Variants in LHX2 observed in about 807,000 individuals in gnomAD.
LHX2 encodes the protein LIM homeobox 2, also known as LIM/homeobox protein Lhx2.
A neutral mutation model predicts 33.0 loss-of-function variants in LHX2; 6 were observed. The ratio of observed to expected loss-of-function variants is 0.18; its 90% CI spans 0.10 to 0.36. The LOEUF is 0.36. Ranked by LOEUF, LHX2 falls within the 10% of genes least tolerant of loss-of-function variation. The pLI is 1.00. For synonymous variants in LHX2, 292 were observed against 253.1 expected (o/e 1.15, Z -1.46); for missense variants, 442 against 586.2 (o/e 0.75, Z 2.54).
rs375687666 is a variant in LHX2 at position 124,015,305 on chromosome 9, C to T, written c.507C>T (p.Phe169=). 5.0e-6 allele frequency: 8 copies of T among 1,614,030 alleles called. No individual in the cohort carries two copies. The South Asian group carries it at 6.6e-5, about 13-fold the overall frequency. The stretch of plus-strand genomic sequence containing the variant: ...GCCTGGTCTACTGCCGCTTGCACTT[C>T]GAGGCGCTGCTGCAGGGCGAGTACC... ...KDSLVYCRLH[F]EALLQGEYPA... Residue 169 remains phenylalanine (F), a synonymous_variant, in exon 3 of 5, where the codon TTC becomes TTT. Transcript: ENST00000373615. This position sits in a 1 kb window ranked among gnomAD's most constrained non-coding sequence, Gnocchi z 7.9.
At chr9:124,030,806 T>C (rs1353435395) in intron 4 of LHX2, among the ~76,000 whole-genome samples, 1 of 151,820 alleles carries the variant, frequency 6.6e-6, no homozygotes. Context: ...TAATTTTTTA[T>C]ATTTTTAGTA....
At position 124,012,469 on chromosome 9, in the gene LHX2, G is replaced by A; in HGVS notation, c.120+1G>A. 1 of 1,543,780 alleles carries A rather than the reference G, an allele frequency of 6.5e-7. No individual in the cohort carries two copies. Among genetic ancestry groups the A allele is most frequent in the Non-Finnish European group, 8.7e-7 (1 of 1,153,312 alleles). The stretch of plus-strand genomic sequence containing the variant: ...CATCGACCGCGGCGACACCGAGACG[G>A]TAGGCGCGCGGCTGTGGGGTCGGGG... On this transcript the variant is annotated splice_donor_variant, in intron 1 of 4. Transcript: ENST00000373615. LOFTEE classifies it high-confidence loss of function. This position sits in a 1 kb window ranked among gnomAD's most constrained non-coding sequence, Gnocchi z 4.3.
Position 124,012,309 on chromosome 9 carries a change from T to G in LHX2, c.-40T>G. The G allele has an allele frequency of 1.4e-6, 2 of 1,464,160 alleles. No individual in the cohort carries two copies. Among genetic ancestry groups the G allele is most frequent in the Non-Finnish European group, 1.8e-6 (2 of 1,111,468 alleles). 90.7% of individuals were successfully genotyped at this position (1,464,160 alleles called of 1,614,324 possible). On this transcript the variant is annotated 5_prime_UTR_variant, in exon 1 of 5. Transcript: ENST00000373615. This position sits in a 1 kb window ranked among gnomAD's most constrained non-coding sequence, Gnocchi z 4.3. ...GCTGAGGCGGGGGGCAAGCCCTCCC[T>G]CGGAGGAGCCGCGCCCCCGGCCCCG...
Position 124,015,158 on chromosome 9 carries a change from G to T in LHX2, c.360G>T (p.Leu120=). ...TGCAGCGCTGCGCCCGCTGCCACCT[G>T]GGCATCTCGGCCTCGGAGATGGTGA... ...FSVQRCARCH[L]GISASEMVMR... The change falls in exon 3 of 5, where the codon CTG becomes CTT. Residue 120 remains leucine (L), a synonymous_variant. Coordinates refer to ENST00000373615, the MANE Select transcript of LHX2 (RefSeq NM_004789.4). This position sits in a 1 kb window ranked among gnomAD's most constrained non-coding sequence, Gnocchi z 7.9. 3 of 1,613,924 alleles carry T rather than the reference G, an allele frequency of 1.9e-6. No individual in the cohort carries two copies. The highest frequency in any genetic ancestry group is 2.5e-6 in the Non-Finnish European group (3 of 1,180,042).
Position 124,021,106 on chromosome 9 carries a change from C to A in LHX2, c.735C>A (p.Ser245Arg), listed in dbSNP as rs1588348683. The A allele has an allele frequency of 2.5e-6, 4 of 1,614,076 alleles. No individual in the cohort carries two copies. Among genetic ancestry groups the A allele is most frequent in the Non-Finnish European group, 3.4e-6 (4 of 1,180,036 alleles). ...ADLAAYNAAL[S>R]CNENDAEHLD... ...TCTGTGTCTCCTCCCTAGCGCTAAG[C>A]TGCAACGAAAACGACGCAGAGCACC... is the stretch of plus-strand genomic sequence containing the variant. Residue 245 changes from serine to arginine, a missense_variant, in exon 4 of 5, where the codon AGC (serine) becomes AGA (arginine). This residue lies in a region of LHX2 where 132 missense variants were observed against 139.1 expected (regional missense o/e 0.95). Transcript: ENST00000373615.
intron 4 of LHX2, among the ~76,000 whole-genome samples, chr9:124,029,309 T>A (rs929042694): frequency 2.6e-5 from 4 of 152,102 alleles, no homozygotes; most frequent in African/African-American, 9.7e-5. Flanking sequence ...TGATTCTTAA[T>A]CTCTGCCAGT....
Position 124,015,359 on chromosome 9 carries a change from AGCGGCGGCCGCTGCAGCC to A in LHX2, c.571_588del (p.Ala191_Ala196del), listed in dbSNP as rs753854265. On this transcript the variant is annotated inframe_deletion, in exon 3 of 5. Transcript: ENST00000373615. This position sits in a 1 kb window ranked among gnomAD's most constrained non-coding sequence, Gnocchi z 7.9. ...CACACTTCAACCATGCCGACGTGGC[AGCGGCGGCCGCTGCAGCC>A]GCGGCGGCCAAGAGCGCGGGGCTGG... The A allele has an allele frequency of 2.1e-5, 34 of 1,610,166 alleles. No homozygotes were observed. The highest frequency in any genetic ancestry group is 6.7e-5 in the African/African-American group (5 of 74,786).
Position 124,032,607 on chromosome 9 carries a change from C to T in LHX2, c.1121C>T (p.Thr374Ile). The change falls in exon 5 of 5, where the codon ACC (threonine) becomes ATC (isoleucine). Residue 374 changes from threonine to isoleucine, a missense_variant. Around this residue, in one of 5 missense-constraint regions of LHX2, gnomAD observed 109 missense variants for 98.7 expected, o/e 1.10. Transcript: ENST00000373615. This position sits in a 1 kb window ranked among gnomAD's most constrained non-coding sequence, Gnocchi z 4.1. ...ACCCTGACAGACTTGACTAGCCCCA[C>T]CCTGCCAACTGTGACGTCCGTCTTA... is the stretch of plus-strand genomic sequence containing the variant. ...PTTLTDLTSP[T>I]LPTVTSVLTS... 1.2e-6 allele frequency: 2 copies of T among 1,614,214 alleles called. No individual in the cohort carries two copies. Among genetic ancestry groups the T allele is most frequent in the Non-Finnish European group, 1.7e-6 (2 of 1,180,034 alleles).
At position 124,014,459 on chromosome 9, in the gene LHX2, C is replaced by A. The variant is rs1045761897; in HGVS notation, c.323+296C>A. On this transcript the variant is annotated intron_variant, in intron 2 of 4. Coordinates refer to ENST00000373615, the MANE Select transcript of LHX2 (RefSeq NM_004789.4). The surrounding 1 kb of genome is among the most constrained non-coding windows in gnomAD (Gnocchi z 4.8). Reference sequence around the variant, plus strand: ...AGCTTGAGTTGGGATCCTTGCTCCCCTCTCTCTTTGAAGTTTCTTGAGTTA... The same window carrying A: ...AGCTTGAGTTGGGATCCTTGCTCCCATCTCTCTTTGAAGTTTCTTGAGTTA... 2.0e-5 allele frequency among the ~76,000 whole-genome samples: 3 copies of A among 152,134 alleles called. No individual in the cohort carries two copies. Among genetic ancestry groups the A allele is most frequent in the Non-Finnish European group, 4.4e-5 (3 of 68,028 alleles).
intron 4 of LHX2, among the ~76,000 whole-genome samples, chr9:124,031,224 C>G (rs1200495350): frequency 6.6e-6 from 1 of 152,168 alleles, no homozygotes; most frequent in Admixed American, 6.5e-5. Flanking sequence ...CACCTCCACC[C>G]TGAGACCTGA....
At chr9:124,021,368 C>T in intron 4 of LHX2, 64 bp downstream of exon 4, 1 of 1,492,012 alleles carries the variant, frequency 6.7e-7, no homozygotes, top group Non-Finnish European at 9.2e-7. Flanking sequence ...ACCCTGCACC[C>T]CTCGCCGTGG....
chr9:124,022,368 C>G (rs1343974850), intron 4 of LHX2, among the ~76,000 whole-genome samples: 3 of 152,224 alleles, frequency 2.0e-5, no homozygotes, highest in African/African-American at 4.8e-5. Context: ...GCATGATTCA[C>G]TAGTATGAGC....
chr9:124,022,337 A>G (rs907317267), intron 4 of LHX2, among the ~76,000 whole-genome samples: 5 of 152,252 alleles, frequency 3.3e-5, no homozygotes, highest in African/African-American at 1.2e-4. Flanking sequence ...CAATAACAGC[A>G]TTAACTAGAT....
rs1428175990 is a variant in LHX2 at position 124,015,609 on chromosome 9, G to C, written c.727+84G>C. On this transcript the variant is annotated intron_variant, in intron 3 of 4. Coordinates refer to ENST00000373615, the MANE Select transcript of LHX2 (RefSeq NM_004789.4). The surrounding 1 kb of genome is among the most constrained non-coding windows in gnomAD (Gnocchi z 7.9). ...CGGCCGGGAGCTGGATTGAATCTCT[G>C]TGTGCTGGGCAAATAGCGAGCCTTA... The C allele has an allele frequency of 7.2e-7, 1 of 1,381,346 alleles. No individual in the cohort carries two copies. The highest frequency in any genetic ancestry group is 1.5e-5 in the African/African-American group (1 of 68,336). The allele number at this position is 1,381,346 out of a possible 1,614,324, so 85.6% of individuals were successfully genotyped here.
At chr9:124,019,119 A>G (rs1327824107) in intron 3 of LHX2, among the ~76,000 whole-genome samples, 2 of 152,118 alleles carry the variant, frequency 1.3e-5, no homozygotes, top group Non-Finnish European at 2.9e-5. Context: ...GTTCAGAGGC[A>G]TCCTCTGATC....
chr9:124,015,405 G>A lies in LHX2; in HGVS notation c.607G>A (p.Ala203Thr). ...GGCGGCCAAGAGCGCGGGGCTGGGC[G>A]CAGCAGGGGCCAACCCTCTGGGTCT... ...AAAAKSAGLG[A>T]AGANPLGLPY... Residue 203 changes from alanine (A) to threonine (T), a missense_variant, in exon 3 of 5, where the codon GCA becomes ACA. Ala to Thr is a moderately conservative substitution (Grantham distance 58). This residue lies in a region of LHX2 where 132 missense variants were observed against 139.1 expected (regional missense o/e 0.95). Coordinates refer to ENST00000373615, the MANE Select transcript of LHX2 (RefSeq NM_004789.4). The surrounding 1 kb of genome is among the most constrained non-coding windows in gnomAD (Gnocchi z 7.9). 2.5e-6 allele frequency: 4 copies of A among 1,605,530 alleles called. No homozygotes were observed. Among genetic ancestry groups the A allele is most frequent in the Non-Finnish European group, 3.4e-6 (4 of 1,175,702 alleles).
chr9:124,019,308 G>T (rs1028268860), intron 3 of LHX2, among the ~76,000 whole-genome samples: 4 of 152,194 alleles, frequency 2.6e-5, no homozygotes, highest in Non-Finnish European at 4.4e-5. Context: ...TCTGCAAGGG[G>T]CTCTTCCCCA....
At chr9:124,023,701 A>C (rs1047933913) in intron 4 of LHX2, among the ~76,000 whole-genome samples, 1 of 152,194 alleles carries the variant, frequency 6.6e-6, no homozygotes, top group Non-Finnish European at 1.5e-5. Flanking sequence ...TGGTCACCTG[A>C]CTTAGGAACA....
chr9:124,018,588 C>G (rs1233640273), intron 3 of LHX2, among the ~76,000 whole-genome samples: 2 of 152,110 alleles, frequency 1.3e-5, no homozygotes, highest in African/African-American at 4.8e-5. Flanking sequence ...CCGCAGGGAC[C>G]GGGTCTCCCG....
Sources: gnomAD v4.1 joint callset for allele counts (sites outside exome capture counted in the v4.1 genomes callset) on GRCh38, gnomAD v4.1.1 for gene constraint, gnomAD v4.1.1 regional missense constraint, Gnocchi (gnomAD v3.1) non-coding constraint, MANE v1.5 for transcripts, NCBI Gene and HGNC (gene_info 2026-07-23, HGNC 2026-07-21) for gene names.